FGGY: variants seen among roughly 807,000 people sequenced by gnomAD.
FGGY encodes the protein FGGY carbohydrate kinase domain-containing protein.
A neutral mutation model predicts 71.3 loss-of-function variants in FGGY; 72 were observed. The observed-to-expected ratio is 1.01, with a 90% CI of 0.84 to 1.23. The LOEUF (loss-of-function observed/expected upper bound fraction) is 1.23. FGGY is among the 50% of genes most tolerant of loss of function. The pLI is 0.00. For synonymous variants in FGGY, 251 were observed against 250.3 expected (o/e 1.00, Z -0.02); for missense variants, 668 against 682.3 (o/e 0.98, Z 0.23).
At chr1:59,308,525 C>A (rs941431851) in intron 1 of FGGY, among the ~76,000 whole-genome samples, 5 of 152,168 alleles carry the variant, frequency 3.3e-5, no homozygotes, top group Admixed American at 3.3e-4. Flanking sequence ...TTCCTGAAAT[C>A]TTTTATGATA....
intron 14 of FGGY, among the ~76,000 whole-genome samples, chr1:59,705,012 A>G (rs1450773743): frequency 6.6e-6 from 1 of 152,096 alleles, no homozygotes; most frequent in East Asian, 1.9e-4. Flanking sequence ...GCCTTTCCCC[A>G]TTACTAGTAA....
At chr1:59,754,074 T>C (rs188964622) in intron 14 of FGGY, among the ~76,000 whole-genome samples, 2 of 152,342 alleles carry the variant, frequency 1.3e-5, no homozygotes, top group Admixed American at 6.5e-5. Context: ...TCTTCCTCAT[T>C]CACTTTCTCT....
At chr1:59,521,996 A>G (rs904504361) in intron 7 of FGGY, among the ~76,000 whole-genome samples, 18 of 152,212 alleles carry the variant, frequency 1.2e-4, no homozygotes, top group East Asian at 3.8e-4. Flanking sequence ...AACACCTGCT[A>G]TTCGAGTTCC....
intron 12 of FGGY, 199 bp downstream of exon 12, chr1:59,660,492 A>T: frequency 2.4e-6 from 1 of 410,130 alleles, no homozygotes; most frequent in Admixed American, 4.1e-5. Context: ...ACCTCACATA[A>T]CAAAAAGCTG....
At chr1:59,601,475 A>G (rs2096577568) in intron 8 of FGGY, among the ~76,000 whole-genome samples, 1 of 152,202 alleles carries the variant, frequency 6.6e-6, no homozygotes, top group Non-Finnish European at 1.5e-5. Flanking sequence ...GCACATGGAA[A>G]GAGGCTTCTA....
intron 8 of FGGY, among the ~76,000 whole-genome samples, chr1:59,589,254 G>A (rs1204811025): frequency 6.6e-6 from 1 of 152,158 alleles, no homozygotes; most frequent in Non-Finnish European, 1.5e-5. Flanking sequence ...AAATATATAT[G>A]CACCCAATAC....
At chr1:59,402,095 G>A (rs955937178) in intron 5 of FGGY, among the ~76,000 whole-genome samples, 1 of 152,238 alleles carries the variant, frequency 6.6e-6, no homozygotes, top group Non-Finnish European at 1.5e-5. Context: ...TGCAGGAAGT[G>A]GTAGCTAATG....
chr1:59,459,818 T>C (rs1361502095), intron 6 of FGGY, among the ~76,000 whole-genome samples: 1 of 152,226 alleles, frequency 6.6e-6, no homozygotes, highest in East Asian at 1.9e-4. Context: ...AAAATCTCTT[T>C]GTTCTACTAT....
chr1:59,332,561 ATAG>A (rs376228707), intron 2 of FGGY, among the ~76,000 whole-genome samples: 189 of 152,228 alleles, frequency 1.2e-3, no homozygotes, highest in African/African-American at 4.5e-3. Flanking sequence ...GGCTGGGGAA[ATAG>A]TAGTGGCTAC....
intron 5 of FGGY, among the ~76,000 whole-genome samples, chr1:59,417,596 C>T (rs909669749): frequency 3.3e-5 from 5 of 152,174 alleles, no homozygotes; most frequent in Non-Finnish European, 2.9e-5. Flanking sequence ...TCTCCACATC[C>T]TTGTGAGCAC....
intron 2 of FGGY, among the ~76,000 whole-genome samples, chr1:59,324,929 C>G (rs1004969298): frequency 1.3e-5 from 2 of 152,162 alleles, no homozygotes; most frequent in Non-Finnish European, 2.9e-5. Flanking sequence ...CTGTATTTCT[C>G]TAGAATTCTT....
intron 6 of FGGY, among the ~76,000 whole-genome samples, chr1:59,459,621 G>C (rs2092004330): frequency 6.6e-6 from 1 of 152,134 alleles, no homozygotes; most frequent in Non-Finnish European, 1.5e-5. Context: ...AATAAATTTT[G>C]ACCTTTAATT....
At chr1:59,346,737 G>A (rs2052015649) in intron 4 of FGGY, among the ~76,000 whole-genome samples, 1 of 152,126 alleles carries the variant, frequency 6.6e-6, no homozygotes, top group African/African-American at 2.4e-5. Flanking sequence ...CACTCAAAGT[G>A]ACAAAGTAAA....
intron 6 of FGGY, among the ~76,000 whole-genome samples, chr1:59,487,586 G>A (rs1302180737): frequency 6.6e-6 from 1 of 152,182 alleles, no homozygotes; most frequent in Non-Finnish European, 1.5e-5. Context: ...CAGTTACTCA[G>A]CATTAAGATC....
At chr1:59,699,106 T>C (rs10889153) in intron 14 of FGGY, 535,310 of 984,982 alleles carry the variant, frequency 0.54, 147,420 homozygotes, top group Middle Eastern at 0.68. Flanking sequence ...AAAGCTTTTG[T>C]ACTATCAAAC....
At chr1:59,674,686 G>T (rs2153980666) in intron 14 of FGGY, among the ~76,000 whole-genome samples, 1 of 152,282 alleles carries the variant, frequency 6.6e-6, no homozygotes, top group South Asian at 2.1e-4. Flanking sequence ...AGACAAAAAA[G>T]AACACATGAT....
At chr1:59,602,824 A>G (rs778965265) in intron 8 of FGGY, among the ~76,000 whole-genome samples, 1 of 152,088 alleles carries the variant, frequency 6.6e-6, no homozygotes, top group Non-Finnish European at 1.5e-5. Context: ...ACCTTTTTGT[A>G]GCACTTGCCA....
intron 5 of FGGY, among the ~76,000 whole-genome samples, chr1:59,442,837 T>C (rs901270152): frequency 6.6e-6 from 1 of 152,184 alleles, no homozygotes; most frequent in South Asian, 2.1e-4. Context: ...TCCAACACTT[T>C]TGTATTTTGC....
At chr1:59,748,456 A>G (rs2098218434) in intron 14 of FGGY, among the ~76,000 whole-genome samples, 1 of 152,196 alleles carries the variant, frequency 6.6e-6, no homozygotes, top group South Asian at 2.1e-4. Context: ...ATCCTGGAGA[A>G]GACCATTCCT....
Sources: gnomAD v4.1 joint callset for allele counts (sites outside exome capture counted in the v4.1 genomes callset) on GRCh38, gnomAD v4.1.1 for gene constraint, MANE v1.5 for transcripts, NCBI Gene and HGNC (gene_info 2026-07-23, HGNC 2026-07-21) for gene names.